EIF2B3: variants seen among roughly 807,000 people sequenced by gnomAD.
EIF2B3 encodes the protein translation initiation factor eIF2B subunit gamma.
EIF2B3 carries 20 observed loss-of-function variants against 54.1 expected under a neutral mutation model. The ratio of observed to expected loss-of-function variants is 0.37; its 90% CI spans 0.26 to 0.54. The LOEUF (loss-of-function observed/expected upper bound fraction) is 0.54, where lower values mean the gene tolerates loss of function less well. Among genes scored for constraint, EIF2B3 ranks in the 20% least tolerant of loss-of-function variants. EIF2B3 has a pLI of 0.86. For synonymous variants in EIF2B3, 153 were observed against 188.1 expected, an observed-to-expected ratio of 0.81 and a Z score of 1.52; for missense variants, 448 against 547.8, an observed-to-expected ratio of 0.82 and a Z score of 1.82.
chr1:44,877,409 CA>C (rs1298579757), intron 8 of EIF2B3, among the ~76,000 whole-genome samples: 1 of 151,962 alleles, frequency 6.6e-6, no homozygotes, highest in Non-Finnish European at 1.5e-5. Context: ...AAAGTAATGC[CA>C]TGTCCCTTGG....
chr1:44,857,347 T>C (rs1383252803), intron 11 of EIF2B3, among the ~76,000 whole-genome samples: 1 of 152,092 alleles, frequency 6.6e-6, no homozygotes, highest in African/African-American at 2.4e-5. Context: ...CTGACCAACA[T>C]GGAGAAACGC....
chr1:44,932,983 A>G (rs140455389), intron 4 of EIF2B3, among the ~76,000 whole-genome samples: 1 of 152,328 alleles, frequency 6.6e-6, no homozygotes, highest in African/African-American at 2.4e-5. Context: ...TCAAGATATG[A>G]CAGTGAAGGG....
At chr1:44,948,599 T>G (rs547256870) in intron 3 of EIF2B3, among the ~76,000 whole-genome samples, 7 of 152,004 alleles carry the variant, frequency 4.6e-5, no homozygotes, top group African/African-American at 1.7e-4. Context: ...TTATATAATA[T>G]ATATAAAGAT....
At chr1:44,966,882 C>T (rs950569600) in intron 3 of EIF2B3, among the ~76,000 whole-genome samples, 7 of 152,014 alleles carry the variant, frequency 4.6e-5, no homozygotes, top group African/African-American at 7.2e-5. Context: ...AGTGCAATGG[C>T]GCGACCTCAG....
At chr1:44,967,116 C>T (rs1644350523) in intron 3 of EIF2B3, among the ~76,000 whole-genome samples, 1 of 151,422 alleles carries the variant, frequency 6.6e-6, no homozygotes, top group East Asian at 2.0e-4. Flanking sequence ...GCCCGGCCTT[C>T]CATAGCCTCA....
intron 5 of EIF2B3, among the ~76,000 whole-genome samples, chr1:44,909,977 G>A (rs1442753772): frequency 2.0e-5 from 3 of 152,166 alleles, no homozygotes; most frequent in Middle Eastern, 3.2e-3. Flanking sequence ...AGATATAGAT[G>A]TCTAAACCTT....
intron 10 of EIF2B3, 57 bp downstream of exon 10, chr1:44,874,621 A>C: frequency 6.3e-7 from 1 of 1,591,226 alleles, no homozygotes; most frequent in Non-Finnish European, 8.6e-7. Flanking sequence ...TTCCTTCAGA[A>C]TTTTGAAGGC....
chr1:44,976,252 A>G (rs1054443456), intron 3 of EIF2B3, among the ~76,000 whole-genome samples: 1 of 152,210 alleles, frequency 6.6e-6, no homozygotes, highest in Non-Finnish European at 1.5e-5. Flanking sequence ...TATAATCAAT[A>G]ATGGAAAGGC....
At chr1:44,857,937 C>G in intron 10 of EIF2B3, 130 bp from the exon 11 acceptor site, 1 of 816,934 alleles carries the variant, frequency 1.2e-6, no homozygotes, top group African/African-American at 1.7e-5. Flanking sequence ...CTACGTGCCT[C>G]AAGTTATCAG....
chr1:44,880,048 G>C, intron 7 of EIF2B3, 40 bp from the exon 8 acceptor site: 35 of 1,586,066 alleles, frequency 2.2e-5, no homozygotes, highest in Middle Eastern at 1.7e-4. Flanking sequence ...AAATGAGAGA[G>C]AGATAACAGA....
chr1:44,979,000 T>G (rs1325874749), intron 2 of EIF2B3, among the ~76,000 whole-genome samples: 2 of 151,962 alleles, frequency 1.3e-5, no homozygotes, highest in East Asian at 2.0e-4. Flanking sequence ...TTAAAAGACA[T>G]GCTGGCTGGG....
chr1:44,910,622 C>G (rs1156245618), intron 5 of EIF2B3, among the ~76,000 whole-genome samples: 1 of 146,518 alleles, frequency 6.8e-6, no homozygotes, highest in South Asian at 2.2e-4. Flanking sequence ...CCCACCCCCC[C>G]AAGTAATGCT....
intron 11 of EIF2B3, among the ~76,000 whole-genome samples, chr1:44,856,729 G>T (rs1382540986): frequency 6.6e-6 from 1 of 152,034 alleles, no homozygotes; most frequent in African/African-American, 2.4e-5. Flanking sequence ...AGTTGGTGGG[G>T]TTAATTCCTT....
intron 5 of EIF2B3, among the ~76,000 whole-genome samples, chr1:44,908,454 G>A (rs1643455347): frequency 6.6e-6 from 1 of 152,204 alleles, no homozygotes; most frequent in Non-Finnish European, 1.5e-5. Flanking sequence ...TAGCCAGGGA[G>A]AGAAGAGTAA....
At chr1:44,959,167 G>GT in intron 3 of EIF2B3, 3 of 720,210 alleles carry the variant, frequency 4.2e-6, no homozygotes, top group Non-Finnish European at 7.4e-6. Flanking sequence ...ACAGTCTGGT[G>GT]TTTTTGGCTT....
At chr1:44,968,652 ACTTTGGGAGG>A (rs1644369500) in intron 3 of EIF2B3, among the ~76,000 whole-genome samples, 1 of 152,122 alleles carries the variant, frequency 6.6e-6, no homozygotes, top group South Asian at 2.1e-4. Context: ...TAATCCCAGC[ACTTTGGGAGG>A]CCGAGGCGGG....
intron 7 of EIF2B3, among the ~76,000 whole-genome samples, chr1:44,880,284 A>T (rs1655348333): frequency 6.6e-6 from 1 of 152,216 alleles, no homozygotes; most frequent in Non-Finnish European, 1.5e-5. Flanking sequence ...ATGAACCCTG[A>T]GGAAATCCCA....
At chr1:44,979,095 T>G (rs1644486196) in intron 2 of EIF2B3, among the ~76,000 whole-genome samples, 1 of 151,388 alleles carries the variant, frequency 6.6e-6, no homozygotes, top group South Asian at 2.1e-4. Context: ...AAGACCAGCC[T>G]GGGCAACATG....
At position 44,857,767 on chromosome 1, in the gene EIF2B3, T is replaced by C. The variant is rs1412362061; in HGVS notation, c.1243A>G (p.Ile415Val). The change falls in exon 11 of 12, where the codon ATC (isoleucine) becomes GTC (valine). Residue 415 changes from isoleucine (I) to valine (V), a missense_variant. Physicochemically the swap from Ile to Val is conservative, Grantham distance 29. This residue lies in a region of EIF2B3 where 350 missense variants were observed against 414.2 expected (regional missense o/e 0.85). Coordinates refer to ENST00000360403, the MANE Select transcript of EIF2B3 (RefSeq NM_020365.5). ...QGSVICNNAV[I>V]EKGADIKDCL... ...TCCTTGATGTCTGCACCCTTCTCGA[T>C]CACAGCATTGTTGCAGATGACACTG... The C allele has an allele frequency of 1.2e-6, 2 of 1,614,038 alleles. No homozygotes were observed. Among genetic ancestry groups the C allele is most frequent in the African/African-American group, 2.7e-5 (2 of 74,922 alleles).
Sources: allele counts gnomAD v4.1 joint callset (sites outside exome capture counted in the v4.1 genomes callset), GRCh38; gene constraint gnomAD v4.1.1; regional missense constraint gnomAD v4.1.1; transcripts MANE v1.5; gene names NCBI Gene and HGNC (gene_info 2026-07-23, HGNC 2026-07-21).